The following KIF26B variants were observed in gnomAD, a reference collection of about 807,000 sequenced individuals.
The protein encoded by KIF26B is kinesin-like protein KIF26B.
A neutral mutation model predicts 151.2 loss-of-function variants in KIF26B; 63 were observed. That is an observed-to-expected ratio of 0.42 (90% CI 0.34 to 0.51). The LOEUF is 0.51. Ranked by LOEUF, KIF26B falls within the 20% of genes least tolerant of loss-of-function variation. KIF26B has a pLI of 0.07. For synonymous variants in KIF26B, 1,357 were observed against 1,262.1 expected (o/e 1.08, Z -1.59); for missense variants, 2,813 against 2,913.6 (o/e 0.97, Z 0.79).
intron 12 of KIF26B, among the ~76,000 whole-genome samples, chr1:245,692,411 T>A (rs2044637639): frequency 6.6e-6 from 1 of 152,150 alleles, no homozygotes; most frequent in Non-Finnish European, 1.5e-5. Flanking sequence ...AGGCAAAGGC[T>A]GCAGAGAAAT....
At chr1:245,385,828 A>T in intron 3 of KIF26B, among the ~76,000 whole-genome samples, 1 of 152,228 alleles carries the variant, frequency 6.6e-6, no homozygotes, top group Non-Finnish European at 1.5e-5. Context: ...GGAGGAAGAC[A>T]GCAGCAGAAG....
chr1:245,613,700 C>T (rs565795610), intron 9 of KIF26B, among the ~76,000 whole-genome samples: 3 of 152,326 alleles, frequency 2.0e-5, no homozygotes, highest in African/African-American at 7.2e-5. Context: ...CAACAGTACT[C>T]CTGGGGAGAG....
intron 9 of KIF26B, among the ~76,000 whole-genome samples, chr1:245,642,069 C>T (rs575619214): frequency 6.6e-6 from 1 of 152,334 alleles, no homozygotes; most frequent in East Asian, 1.9e-4. Flanking sequence ...CTCACAATGG[C>T]TTTCTGGCCC....
intron 2 of KIF26B, among the ~76,000 whole-genome samples, chr1:245,332,040 C>G (rs1227039289): frequency 6.6e-6 from 1 of 152,168 alleles, no homozygotes; most frequent in Non-Finnish European, 1.5e-5. Flanking sequence ...GCAGGAGAAT[C>G]ACTTGAATGC....
At chr1:245,377,587 C>T in intron 3 of KIF26B, among the ~76,000 whole-genome samples, 1 of 152,278 alleles carries the variant, frequency 6.6e-6, no homozygotes, top group South Asian at 2.1e-4. Context: ...TTCAAAGACC[C>T]TATTTCCAAA....
At chr1:245,660,995 T>C (rs2044130687) in intron 10 of KIF26B, among the ~76,000 whole-genome samples, 1 of 150,618 alleles carries the variant, frequency 6.6e-6, no homozygotes, top group African/African-American at 2.4e-5. Flanking sequence ...TTTTCTTTTT[T>C]TTTTTTTTGG....
At chr1:245,611,230 A>T (rs2043518020) in intron 8 of KIF26B, among the ~76,000 whole-genome samples, 1 of 152,216 alleles carries the variant, frequency 6.6e-6, no homozygotes, top group Non-Finnish European at 1.5e-5. Flanking sequence ...CTGGTTTCTT[A>T]TTTATAACTA....
intron 3 of KIF26B, among the ~76,000 whole-genome samples, chr1:245,378,648 G>A (rs1019584435): frequency 1.3e-5 from 2 of 152,150 alleles, no homozygotes; most frequent in Non-Finnish European, 2.9e-5. Context: ...CAGGCCAAGG[G>A]GGAAACAACA....
chr1:245,525,614 A>G (rs1364688746), intron 4 of KIF26B, among the ~76,000 whole-genome samples: 1 of 152,200 alleles, frequency 6.6e-6, no homozygotes, highest in Non-Finnish European at 1.5e-5. Context: ...GGAAAAGATG[A>G]TTGATTGGTT....
rs1553342830 is a variant in KIF26B at position 245,304,691 on chromosome 1, G to GTCCGTCCATCCATCCATCCA, written c.466-62140_466-62139insGTCCATCCATCCATCCATCC. Reference sequence around the variant, plus strand: ...TGTCTGCCTGTCCATCCATCCATACGTCCATCCCTCCATCCATCCATCCAT... The same window carrying GTCCGTCCATCCATCCATCCA: ...TGTCTGCCTGTCCATCCATCCATACGTCCGTCCATCCATCCATCCATCCATCCCTCCATCCATCCATCCAT... On this transcript the variant is annotated intron_variant, in intron 2 of 14. Coordinates refer to ENST00000407071, the MANE Select transcript of KIF26B (RefSeq NM_018012.4). Among the ~76,000 whole-genome samples the GTCCGTCCATCCATCCATCCA allele has an allele frequency of 1.3e-4, 18 of 136,066 alleles. No individual in the cohort carries two copies. In the East Asian group the frequency reaches 2.7e-3, roughly 21 times the overall value. The allele number at this position is 136,066 out of a possible 152,430, so 89.3% of individuals were successfully genotyped here.
intron 10 of KIF26B, among the ~76,000 whole-genome samples, chr1:245,665,974 CT>C (rs1281325424): frequency 2.0e-5 from 3 of 150,572 alleles, no homozygotes; most frequent in Non-Finnish European, 4.4e-5. Flanking sequence ...GCATGAGCCA[CT>C]GCTCCTGGCT....
At chr1:245,354,539 G>A (rs748365772) in intron 2 of KIF26B, among the ~76,000 whole-genome samples, 6 of 152,240 alleles carry the variant, frequency 3.9e-5, no homozygotes, top group Non-Finnish European at 8.8e-5. Context: ...GAAGGGCAAT[G>A]TCCTGTGTAG....
intron 2 of KIF26B, among the ~76,000 whole-genome samples, chr1:245,220,648 G>A (rs752329815): frequency 1.3e-5 from 2 of 152,162 alleles, no homozygotes; most frequent in Non-Finnish European, 2.9e-5. Context: ...ATTCTTTAAG[G>A]CATTAAATAC....
chr1:245,674,426 C>T (rs1364249110), intron 10 of KIF26B, among the ~76,000 whole-genome samples: 1 of 152,202 alleles, frequency 6.6e-6, no homozygotes, highest in African/African-American at 2.4e-5. Flanking sequence ...AATACGCACA[C>T]ATCTATTAAA....
chr1:245,567,467 C>T (rs1239388763), intron 5 of KIF26B, among the ~76,000 whole-genome samples: 2 of 152,168 alleles, frequency 1.3e-5, no homozygotes, highest in African/African-American at 4.8e-5. Flanking sequence ...CTTCACCCCT[C>T]CCATCCCCAG....
Position 245,239,279 on chromosome 1 carries a change from G to A in KIF26B, c.465+82596G>A, listed in dbSNP as rs1670170168. 6.6e-6 allele frequency among the ~76,000 whole-genome samples: 1 copy of A among 152,128 alleles called. No homozygotes were observed. Among genetic ancestry groups the A allele is most frequent in the Admixed American group, 6.5e-5 (1 of 15,278 alleles). On this transcript the variant is annotated intron_variant, in intron 2 of 14. Transcript: ENST00000407071. The surrounding 1 kb of genome is among the most constrained non-coding windows in gnomAD (Gnocchi z 4.3). ...GCAGAAAATGATGATGTTGCACAAG[G>A]CGAAGAAGCAGATATTGACATGAGG...
chr1:245,411,173 G>A (rs1323876470), intron 3 of KIF26B, among the ~76,000 whole-genome samples: 1 of 152,188 alleles, frequency 6.6e-6, no homozygotes, highest in African/African-American at 2.4e-5. Context: ...ATCCTGCTTA[G>A]GAAAGGTTCA....
At chr1:245,671,467 G>A (rs113028940) in intron 10 of KIF26B, among the ~76,000 whole-genome samples, 1,888 of 152,230 alleles carry the variant, frequency 0.012, 39 homozygotes, top group African/African-American at 0.043. Flanking sequence ...GGTGGTTACC[G>A]GGGGCCGGGG....
At chr1:245,539,756 G>A (rs992501865) in intron 4 of KIF26B, among the ~76,000 whole-genome samples, 27 of 152,096 alleles carry the variant, frequency 1.8e-4, no homozygotes, top group East Asian at 3.9e-4. Flanking sequence ...GGGTTCAAGC[G>A]ATCCTCCTGC....
Sources: allele counts gnomAD v4.1 joint callset (sites outside exome capture counted in the v4.1 genomes callset), GRCh38; gene constraint gnomAD v4.1.1; non-coding constraint Gnocchi (gnomAD v3.1); transcripts MANE v1.5; gene names NCBI Gene and HGNC (gene_info 2026-07-23, HGNC 2026-07-21).